The following ASGR1 variants were observed in gnomAD, a reference collection of about 807,000 sequenced individuals.
ASGR1 encodes the protein asialoglycoprotein receptor 1.
Under a neutral mutation model 33.1 loss-of-function variants are expected in ASGR1, and 35 were observed. The ratio of observed to expected loss-of-function variants is 1.06; its 90% CI spans 0.81 to 1.40. The LOEUF is 1.40. Among genes scored for constraint, ASGR1 ranks in the 40% most tolerant of loss-of-function variants. ASGR1 has a pLI of 0.00. For synonymous variants in ASGR1, 142 were observed against 152.5 expected, an observed-to-expected ratio of 0.93 and a Z score of 0.51; for missense variants, 396 against 373.7, an observed-to-expected ratio of 1.06 and a Z score of -0.49.
intron 5 of ASGR1, among the ~76,000 whole-genome samples, chr17:7,175,808 TTC>T (rs972406136): frequency 1.2e-4 from 18 of 146,094 alleles, no homozygotes; most frequent in Admixed American, 1.2e-3. Flanking sequence ...CTCCCTCTCA[TTC>T]TCACAGACAC....
intron 2 of ASGR1, 46 bp from the exon 3 acceptor site, chr17:7,177,372 T>A: frequency 1.3e-6 from 2 of 1,513,670 alleles, no homozygotes; most frequent in Non-Finnish European, 1.8e-6. Context: ...GAGGGGACCC[T>A]GGCACAGCTC....
intron 2 of ASGR1, chr17:7,177,852 TG>T (rs144646744): frequency 0.049 from 7,939 of 161,596 alleles, 676 homozygotes; most frequent in African/African-American, 0.18. Flanking sequence ...GCTGGAGGGT[TG>T]GGGGGGCCTC....
chr17:7,178,734 TTTTC>T (rs372132432), intron 1 of ASGR1, 146 bp from the exon 2 acceptor site: 24,943 of 183,120 alleles, frequency 0.14, 518 homozygotes, highest in African/African-American at 0.18. Context: ...CTTTTTTTTC[TTTTC>T]TTTTTTTTTT....
chr17:7,178,692 G>T, intron 1 of ASGR1, 104 bp from the exon 2 acceptor site: 1 of 642,104 alleles, frequency 1.6e-6, no homozygotes, highest in Non-Finnish European at 2.6e-6. Context: ...GCTCCATCAT[G>T]GAGACCTTTC....
chr17:7,176,717 C>T lies in ASGR1; in HGVS notation c.355+113G>A, dbSNP rs916618482. On this transcript the variant is annotated intron_variant, in intron 5 of 8. Coordinates refer to ENST00000269299, the MANE Select transcript of ASGR1 (RefSeq NM_001671.5). ...TCACACACAGACTCACACACACACA[C>T]ACTCCCTCTCATTCTCACACACATC... The T allele has an allele frequency of 1.6e-5, 23 of 1,465,906 alleles. No homozygotes were observed. The East Asian group carries it at 4.2e-4, about 27-fold the overall frequency. The allele number at this position is 1,465,906 out of a possible 1,614,324, so 90.8% of individuals were successfully genotyped here.
At position 7,177,293 on chromosome 17, in the gene ASGR1, A is replaced by G; in HGVS notation, c.104T>C (p.Leu35Pro). The G allele has an allele frequency of 6.2e-7, 1 of 1,613,616 alleles. No individual in the cohort carries two copies. ...CAGGAGGAGGCGAGGTCCGGAGCAG[A>G]GACGCTGCAGGAGGGGCTGGGGAGG... ...PPPPQPLLQR[L>P]CSGPRLLLLS... The change falls in exon 3 of 9, where the codon CTC (leucine) becomes CCC (proline). Residue 35 changes from leucine to proline, a missense_variant. Physicochemically the swap from Leu to Pro is moderately conservative, Grantham distance 98. Coordinates refer to ENST00000269299, the MANE Select transcript of ASGR1 (RefSeq NM_001671.5).
chr17:7,177,644 A>G (rs2069233733), intron 2 of ASGR1: 1 of 287,428 alleles, frequency 3.5e-6, no homozygotes, highest in African/African-American at 2.2e-5. Flanking sequence ...CCGCGCCTTG[A>G]AACGCAATTG....
chr17:7,176,997 C>CT lies in ASGR1; in HGVS notation c.266dup (p.Ser92GlufsTer27), dbSNP rs758294899. 6.2e-7 allele frequency: 1 copy of CT among 1,610,874 alleles called. No individual in the cohort carries two copies. Among genetic ancestry groups the CT allele is most frequent in the Non-Finnish European group, 8.5e-7 (1 of 1,179,520 alleles). ...CGCCCTCACCCTGGGTGCTCAAGCC[C>CT]TTGACCTGGGCCTCCGTGCTCGCTG... On this transcript the variant is annotated frameshift_variant, in exon 4 of 9. Coordinates refer to ENST00000269299, the MANE Select transcript of ASGR1 (RefSeq NM_001671.5). LOFTEE classifies it high-confidence loss of function.
In ASGR1 at chr17:7,173,982, G is replaced by A; in HGVS notation, c.680C>T (p.Thr227Met). The change falls in exon 8 of 9, where the codon ACG (threonine) becomes ATG (methionine). Residue 227 changes from threonine (T) to methionine (M), a missense_variant. Coordinates refer to ENST00000269299, the MANE Select transcript of ASGR1 (RefSeq NM_001671.5). This position sits in a 1 kb window ranked among gnomAD's most constrained non-coding sequence, Gnocchi z 4.7. ...TCACTTGAAGCCCGTCTCGTAGTCCGTCCCGTCCACCCACTTCCAGGGCCC... is the reference window on the plus strand; with the variant it reads ...TCACTTGAAGCCCGTCTCGTAGTCCATCCCGTCCACCCACTTCCAGGGCCC... ...QNGPWKWVDG[T>M]DYETGFKNWR... 6.2e-7 allele frequency: 1 copy of A among 1,614,200 alleles called. No individual in the cohort carries two copies. The highest frequency in any genetic ancestry group is 8.5e-7 in the Non-Finnish European group (1 of 1,179,998).
rs2069242920 is a variant in ASGR1, at chr17:7,178,586, G to A, written c.-23C>T. 6 of 1,611,170 alleles carry A rather than the reference G, an allele frequency of 3.7e-6. No individual in the cohort carries two copies. In the East Asian group the frequency reaches 1.3e-4, roughly 36 times the overall value. ...CATGATAGGGCTGGCGCTGGACCTGGGACTGAGTCAAGACTGAGGCTGGGG... is the reference window on the plus strand; with the variant it reads ...CATGATAGGGCTGGCGCTGGACCTGAGACTGAGTCAAGACTGAGGCTGGGG... On this transcript the variant is annotated splice_region_variant and 5_prime_UTR_variant, in exon 2 of 9. Coordinates refer to ENST00000269299, the MANE Select transcript of ASGR1 (RefSeq NM_001671.5).
At chr17:7,177,438 T>G in intron 2 of ASGR1, 112 bp from the exon 3 acceptor site, 1 of 799,670 alleles carries the variant, frequency 1.3e-6, no homozygotes, top group Non-Finnish European at 2.0e-6. Context: ...GGAGGAACCA[T>G]GTACATGAAG....
At chr17:7,178,620 G>A (rs745819327) in intron 1 of ASGR1, 32 bp from the exon 2 acceptor site, 19 of 1,533,796 alleles carry the variant, frequency 1.2e-5, no homozygotes, top group Non-Finnish European at 1.5e-5. Flanking sequence ...GGCTGAGGTG[G>A]GGGCTCACCA....
At position 7,177,323 on chromosome 17, in the gene ASGR1, G is replaced by A; in HGVS notation, c.74C>T (p.Pro25Leu). ...ESDHHQLRKG[P>L]PPPQPLLQRL... is the part of the protein sequence containing the mutation. ...CTGCAGGAGGGGCTGGGGAGGAGGTGGCCCTGCAAGAGGAGGGGGTGTCAG... is the reference window on the plus strand; with the variant it reads ...CTGCAGGAGGGGCTGGGGAGGAGGTAGCCCTGCAAGAGGAGGGGGTGTCAG... Residue 25 changes from proline to leucine, a missense_variant, in exon 3 of 9, where the codon CCA (proline) becomes CTA (leucine). Pro to Leu is a moderately conservative substitution (Grantham distance 98). Coordinates refer to ENST00000269299, the MANE Select transcript of ASGR1 (RefSeq NM_001671.5). The A allele has an allele frequency of 6.2e-7, 1 of 1,613,142 alleles. No homozygotes were observed. The highest frequency in any genetic ancestry group is 8.5e-7 in the Non-Finnish European group (1 of 1,179,636).
Position 7,173,615 on chromosome 17 carries a change from C to A in ASGR1, c.*44G>T. Reference sequence around the variant, plus strand: ...AGAGGCCCCCAGATGGGCGGATTCCCAATCCCGGACCCCTGCGGCAGGTCG... The same window carrying A: ...AGAGGCCCCCAGATGGGCGGATTCCAAATCCCGGACCCCTGCGGCAGGTCG... On this transcript the variant is annotated 3_prime_UTR_variant, in exon 9 of 9. Coordinates refer to ENST00000269299, the MANE Select transcript of ASGR1 (RefSeq NM_001671.5). This position sits in a 1 kb window ranked among gnomAD's most constrained non-coding sequence, Gnocchi z 4.7. The A allele has an allele frequency of 6.2e-7, 1 of 1,610,372 alleles. No individual in the cohort carries two copies. Among genetic ancestry groups the A allele is most frequent in the African/African-American group, 1.3e-5 (1 of 74,952 alleles).
At chr17:7,175,937 A>C (rs373551071) in intron 5 of ASGR1, among the ~76,000 whole-genome samples, 16 of 146,642 alleles carry the variant, frequency 1.1e-4, no homozygotes, top group African/African-American at 3.9e-4. Context: ...TCATTCCCCC[A>C]CACACGCAAC....
At chr17:7,177,110 G>T (rs769539653) in intron 3 of ASGR1, 34 bp from the exon 4 acceptor site, 23 of 1,613,464 alleles carry the variant, frequency 1.4e-5, no homozygotes, top group Non-Finnish European at 1.9e-5. Context: ...GAAGAAAACG[G>T]GATCGCTGTG....
intron 5 of ASGR1, among the ~76,000 whole-genome samples, chr17:7,175,327 ACAC>A (rs1000261475): frequency 6.9e-6 from 1 of 144,646 alleles, no homozygotes; most frequent in Non-Finnish European, 1.5e-5. Context: ...CCCACGACAC[ACAC>A]AACACACCTT....
At chr17:7,178,702 CTTCT>C (rs1047012393) in intron 1 of ASGR1, 114 bp from the exon 2 acceptor site, 19 of 513,298 alleles carry the variant, frequency 3.7e-5, no homozygotes, top group Middle Eastern at 5.1e-4. Flanking sequence ...GGAGACCTTT[CTTCT>C]TTCTTTCTTT....
chr17:7,176,328 T>G (rs1263844828), intron 5 of ASGR1, among the ~76,000 whole-genome samples: 1 of 131,342 alleles, frequency 7.6e-6, no homozygotes, highest in Non-Finnish European at 1.6e-5. Context: ...CAAACACCCC[T>G]CATTCTCACA....
Sources: gnomAD v4.1 joint callset for allele counts (sites outside exome capture counted in the v4.1 genomes callset) on GRCh38, gnomAD v4.1.1 for gene constraint, Gnocchi (gnomAD v3.1) non-coding constraint, MANE v1.5 for transcripts, NCBI Gene and HGNC (gene_info 2026-07-23, HGNC 2026-07-21) for gene names.